P2RX6: variants seen among roughly 807,000 people sequenced by gnomAD.
P2RX6 encodes the protein purinergic receptor P2X 6.
Under a neutral mutation model 54.2 loss-of-function variants are expected in P2RX6, and 62 were observed. The ratio of observed to expected loss-of-function variants is 1.14; its 90% CI spans 0.93 to 1.41. The LOEUF is 1.41. P2RX6 is among the 40% of genes most tolerant of loss of function. P2RX6 has a pLI of 0.00. For synonymous variants in P2RX6, 211 were observed against 231.9 expected (o/e 0.91, Z 0.82); for missense variants, 541 against 566.3 (o/e 0.96, Z 0.45).
Position 21,026,486 on chromosome 22 carries a change from C to G in P2RX6, c.1195C>G (p.Leu399Val). The G allele has an allele frequency of 6.2e-7, 1 of 1,600,446 alleles. No homozygotes were observed. Among genetic ancestry groups the G allele is most frequent in the Non-Finnish European group, 8.5e-7 (1 of 1,174,122 alleles). The change falls in exon 12 of 12, where the codon CTG (leucine) becomes GTG (valine). Residue 399 changes from leucine (L) to valine (V), a missense_variant. Leu to Val is a conservative substitution (Grantham distance 32, BLOSUM62 1). Around this residue, in one of 2 missense-constraint regions of P2RX6, gnomAD observed 526 missense variants for 531.5 expected, o/e 0.99. Coordinates refer to ENST00000413302, the MANE Select transcript of P2RX6 (RefSeq NM_005446.5). The surrounding 1 kb of genome is among the most constrained non-coding windows in gnomAD (Gnocchi z 4.0). The stretch of plus-strand genomic sequence containing the variant: ...GCTGGCCCTTGCATCCCAAGCCCGA[C>G]TGGCCGAGTGCCTCAGACGGAGCTC... ...RELALASQAR[L>V]AECLRRSSAP... is the part of the protein sequence containing the mutation.
intron 8 of P2RX6, 150 bp downstream of exon 8, chr22:21,023,768 C>G (rs1927911411): frequency 1.6e-6 from 1 of 642,770 alleles, no homozygotes; most frequent in South Asian, 1.8e-5. Context: ...TGTTCTCAAC[C>G]CCACATCCTC....
intron 3 of P2RX6, among the ~76,000 whole-genome samples, chr22:21,021,354 G>T (rs776200882): frequency 2.0e-4 from 30 of 152,184 alleles, no homozygotes; most frequent in Non-Finnish European, 3.7e-4. Flanking sequence ...CCTGCACATT[G>T]GGATGCACCA....
intron 4 of P2RX6, 81 bp from the exon 5 acceptor site, chr22:21,022,857 CTCTT>C: frequency 6.7e-7 from 1 of 1,492,338 alleles, no homozygotes; most frequent in Non-Finnish European, 9.3e-7. Context: ...CCCTGCATCT[CTCTT>C]TCTGCCAACA....
upstream of P2RX6, among the ~76,000 whole-genome samples, chr22:21,014,683 T>C (rs961590060): frequency 6.6e-6 from 1 of 152,180 alleles, no homozygotes; most frequent in Non-Finnish European, 1.5e-5. Context: ...TCTCACTCTG[T>C]GCCTCTTAGT....
At chr22:21,024,265 C>G (rs1298401248) in intron 8 of P2RX6, among the ~76,000 whole-genome samples, 1 of 150,644 alleles carries the variant, frequency 6.6e-6, no homozygotes, top group Non-Finnish European at 1.5e-5. Flanking sequence ...GGCCTCCCTT[C>G]CGCTTTTACC....
Position 21,026,441 on chromosome 22 carries a change from G to A in P2RX6, c.1150G>A (p.Ala384Thr), listed in dbSNP as rs990531769. ...YEEAKAPKAT[A>T]NSVWRELALA... ...GCAGGCCAAGGCCCCGAAAGCAACCGCCAACTCTGTGTGGAGGGAGCTGGC... is the reference window on the plus strand; with the variant it reads ...GCAGGCCAAGGCCCCGAAAGCAACCACCAACTCTGTGTGGAGGGAGCTGGC... The change falls in exon 12 of 12, where the codon GCC (alanine) becomes ACC (threonine). Residue 384 changes from alanine (A) to threonine (T), a missense_variant. Physicochemically the swap from Ala to Thr is moderately conservative, Grantham distance 58. Around this residue, in one of 2 missense-constraint regions of P2RX6, gnomAD observed 526 missense variants for 531.5 expected, o/e 0.99. Coordinates refer to ENST00000413302, the MANE Select transcript of P2RX6 (RefSeq NM_005446.5). The surrounding 1 kb of genome is among the most constrained non-coding windows in gnomAD (Gnocchi z 4.0). 3.1e-6 allele frequency: 5 copies of A among 1,602,212 alleles called. No individual in the cohort carries two copies. The highest frequency in any genetic ancestry group is 1.6e-4 in the Middle Eastern group (1 of 6,062).
intron 8 of P2RX6, 47 bp from the exon 9 acceptor site, chr22:21,025,758 T>A (rs1928316770): frequency 7.0e-7 from 1 of 1,424,902 alleles, no homozygotes; most frequent in African/African-American, 1.4e-5. Flanking sequence ...CAGCCCCACC[T>A]GGGGGTGGGC....
chr22:21,012,592 C>T, upstream of P2RX6: 4 of 611,290 alleles, frequency 6.5e-6, no homozygotes, highest in Non-Finnish European at 1.2e-5. Context: ...ATAGAGCCCA[C>T]TGTCCCAAAA....
chr22:21,016,834 C>T (rs1284052914), intron 2 of P2RX6, among the ~76,000 whole-genome samples: 1 of 152,136 alleles, frequency 6.6e-6, no homozygotes, highest in Non-Finnish European at 1.5e-5. Context: ...ACTGCCACTT[C>T]TGCTCCTCTG....
At chr22:21,022,546 G>A in intron 3 of P2RX6, 130 bp from the exon 4 acceptor site, 2 of 606,216 alleles carry the variant, frequency 3.3e-6, no homozygotes, top group Non-Finnish European at 5.6e-6. Context: ...TCTGGCGGCG[G>A]GGTGGTGAGG....
In P2RX6 at chr22:21,017,981, C is replaced by T. The variant is rs1269405921; in HGVS notation, c.316-8C>T. The T allele has an allele frequency of 6.2e-7, 1 of 1,605,344 alleles. No homozygotes were observed. The highest frequency in any genetic ancestry group is 8.5e-7 in the Non-Finnish European group (1 of 1,172,854). ...CCAGCCAGGCCAACCTTGAGACTTGCCTCCTAGGGAGAGAACGTGTTCTTC... is the reference window on the plus strand; with the variant it reads ...CCAGCCAGGCCAACCTTGAGACTTGTCTCCTAGGGAGAGAACGTGTTCTTC... On this transcript the variant is annotated splice_region_variant and splice_polypyrimidine_tract_variant and intron_variant, in intron 2 of 11. Transcript: ENST00000413302.
Position 21,022,726 on chromosome 22 carries a change from A to G in P2RX6, c.438A>G (p.Glu146=). ...ANCWVDEDCP[E]GEGGTHSHGV... ...GCTGGGTCGACGAGGACTGCCCCGA[A>G]GGGGAGGGAGGCACACACAGCCACG... The change falls in exon 4 of 12, where the codon GAA becomes GAG. Residue 146 remains glutamate (E), a synonymous_variant. Transcript: ENST00000413302. 6.3e-7 allele frequency: 1 copy of G among 1,577,572 alleles called. No individual in the cohort carries two copies. The highest frequency in any genetic ancestry group is 8.6e-7 in the Non-Finnish European group (1 of 1,162,836).
In P2RX6 at chr22:21,023,076, C is replaced by T. The variant is rs376837715; in HGVS notation, c.557+41C>T. 7.4e-6 allele frequency: 12 copies of T among 1,611,102 alleles called. No individual in the cohort carries two copies. The African/African-American group carries it at 1.5e-4, about 20-fold the overall frequency. ...ATCCCCTACCCCAACTGGCGCAGGG[C>T]CCCAGGCCTGGCAGAGGCTGTCACC... On this transcript the variant is annotated intron_variant, in intron 5 of 11. Coordinates refer to ENST00000413302, the MANE Select transcript of P2RX6 (RefSeq NM_005446.5).
Position 21,022,958 on chromosome 22 carries a change from G to A in P2RX6, c.480G>A (p.Gln160=). 2 of 1,613,770 alleles carry A rather than the reference G, an allele frequency of 1.2e-6. No individual in the cohort carries two copies. The highest frequency in any genetic ancestry group is 1.7e-6 in the Non-Finnish European group (2 of 1,179,672). The change falls in exon 5 of 12, where the codon CAG becomes CAA. Residue 160 remains glutamine, a synonymous_variant. Transcript: ENST00000413302. ...GTHSHGVKTG[Q]CVVFNGTHRT... is the part of the protein sequence containing the mutation. ...GTTTTCTAGGTGTAAAAACAGGCCAGTGTGTGGTGTTCAATGGGACCCACA... is the reference window on the plus strand; with the variant it reads ...GTTTTCTAGGTGTAAAAACAGGCCAATGTGTGGTGTTCAATGGGACCCACA...
rs924620158 is a variant in P2RX6 at position 21,025,875 on chromosome 22, T to C, written c.961T>C (p.Phe321Leu). The change falls in exon 9 of 12, where the codon TTC becomes CTC. Residue 321 changes from phenylalanine (F) to leucine (L), a missense_variant. Coordinates refer to ENST00000413302, the MANE Select transcript of P2RX6 (RefSeq NM_005446.5). ...RTLLKLYGIR[F>L]DILVTGQAGK... is the part of the protein sequence containing the mutation. ...CCTGCTCAAGCTCTATGGAATCCGC[T>C]TCGACATCCTCGTCACCGGGCAGGT... 15 of 1,575,638 alleles carry C rather than the reference T, an allele frequency of 9.5e-6. No homozygotes were observed. Among genetic ancestry groups the C allele is most frequent in the Admixed American group, 1.9e-5 (1 of 53,926 alleles).
Position 21,015,926 on chromosome 22 carries a change from G to A in P2RX6, c.165-16G>A, listed in dbSNP as rs1926289213. ...ACGCTGGGGACACACCACACTGCCCGACTTCTCCTCCCCAGGTGGGCTCTC... is the reference window on the plus strand; with the variant it reads ...ACGCTGGGGACACACCACACTGCCCAACTTCTCCTCCCCAGGTGGGCTCTC... On this transcript the variant is annotated splice_polypyrimidine_tract_variant and intron_variant, in intron 1 of 11. Transcript: ENST00000413302. The A allele has an allele frequency of 9.0e-6, 14 of 1,548,984 alleles. 1 individual carries two copies. The East Asian group carries it at 2.4e-4, about 27-fold the overall frequency.
chr22:21,011,254 G>A (rs1925721837), upstream of P2RX6: 3 of 528,848 alleles, frequency 5.7e-6, no homozygotes, highest in Non-Finnish European at 6.8e-6. Context: ...GTGGGGCAAG[G>A]TGGGGTGTGG....
chr22:21,016,192 A>T (rs1033629513), intron 2 of P2RX6, 100 bp downstream of exon 2: 21 of 1,253,660 alleles, frequency 1.7e-5, no homozygotes, highest in Non-Finnish European at 2.1e-5. Context: ...GAAGCATGTG[A>T]TGCCAGAGAC....
rs766552967 is a variant in P2RX6, at chr22:21,026,498, C to G, written c.1207C>G (p.Leu403Val). Residue 403 changes from leucine (L) to valine (V), a missense_variant, in exon 12 of 12, where the codon CTC (leucine) becomes GTC (valine). Physicochemically the swap from Leu to Val is conservative, Grantham distance 32. This residue lies in a region of P2RX6 where 526 missense variants were observed against 531.5 expected (regional missense o/e 0.99). Transcript: ENST00000413302. This position sits in a 1 kb window ranked among gnomAD's most constrained non-coding sequence, Gnocchi z 4.0. ...ATCCCAAGCCCGACTGGCCGAGTGC[C>G]TCAGACGGAGCTCAGCACCTGCACC... Reference protein sequence around the residue: ...LASQARLAECLRRSSAPAPTA... With the variant: ...LASQARLAECVRRSSAPAPTA... 3 of 1,597,782 alleles carry G rather than the reference C, an allele frequency of 1.9e-6. No homozygotes were observed. Among genetic ancestry groups the G allele is most frequent in the East Asian group, 4.6e-5 (2 of 43,904 alleles).
Sources: gnomAD v4.1 joint callset for allele counts (sites outside exome capture counted in the v4.1 genomes callset) on GRCh38, gnomAD v4.1.1 for gene constraint, gnomAD v4.1.1 regional missense constraint, Gnocchi (gnomAD v3.1) non-coding constraint, MANE v1.5 for transcripts, NCBI Gene and HGNC (gene_info 2026-07-23, HGNC 2026-07-21) for gene names.